The following POLR1A variants were observed in gnomAD, a reference collection of about 807,000 sequenced individuals.
POLR1A encodes RNA polymerase I subunit A.
POLR1A carries 84 observed loss-of-function variants against 205.3 expected under a neutral mutation model. The observed-to-expected ratio is 0.41, with a 90% confidence interval of 0.34 to 0.49. POLR1A has a LOEUF of 0.49. Ranked by LOEUF, POLR1A falls within the 20% of genes least tolerant of loss-of-function variation. The probability of loss-of-function intolerance (pLI) is 0.22; values close to 1 mark genes in which losing one functional copy is unlikely to be tolerated. For synonymous variants in POLR1A, 799 were observed against 863.7 expected, an observed-to-expected ratio of 0.93 and a Z score of 1.31; for missense variants, 1,645 against 2,204.5, an observed-to-expected ratio of 0.75 and a Z score of 5.08.
At chr2:86,053,091 G>A in intron 15 of POLR1A, 91 bp from the exon 16 acceptor site, 1 of 945,320 alleles carries the variant, frequency 1.1e-6, no homozygotes, top group Non-Finnish European at 1.5e-6. Context: ...CCCTCGTTGT[G>A]CAAGTCCCTC....
In POLR1A at chr2:86,052,937, C is replaced by T. The variant is rs757186802; in HGVS notation, c.2272G>A (p.Ala758Thr). 13 of 1,608,998 alleles carry T rather than the reference C, an allele frequency of 8.1e-6. No homozygotes were observed. Among genetic ancestry groups the T allele is most frequent in the Admixed American group, 5.0e-5 (3 of 59,528 alleles). The change falls in exon 16 of 34, where the codon GCC becomes ACC. Residue 758 changes from alanine (A) to threonine (T), a missense_variant. Ala to Thr is a moderately conservative substitution (Grantham distance 58). Transcript: ENST00000263857. Reference protein sequence around the residue: ...VLDKAHYGSSAYGLVHCCYEI... With the variant: ...VLDKAHYGSSTYGLVHCCYEI... ...TAGCAGCAGTGGACCAGGCCGTAGG[C>T]GGAGCTCCCATAGTGCGCCTTGTCC... is the stretch of plus-strand genomic sequence containing the variant.
At chr2:86,068,231 T>C (rs1267014414) in intron 13 of POLR1A, among the ~76,000 whole-genome samples, 2 of 152,088 alleles carry the variant, frequency 1.3e-5, no homozygotes, top group Non-Finnish European at 2.9e-5. Flanking sequence ...CATCTGCTGC[T>C]CCCCGGTAGT....
At chr2:86,044,396 A>AC (rs1672675163) in intron 21 of POLR1A, 92 bp from the exon 22 acceptor site, 3 of 1,378,592 alleles carry the variant, frequency 2.2e-6, no homozygotes, top group Non-Finnish European at 3.1e-6. Flanking sequence ...GGGGAGGGAA[A>AC]GGGGGGCTCC....
chr2:86,056,164 A>G (rs1391903666), intron 14 of POLR1A, among the ~76,000 whole-genome samples: 1 of 152,100 alleles, frequency 6.6e-6, no homozygotes, highest in African/African-American at 2.4e-5. Flanking sequence ...ATTAAGAAAA[A>G]GTTCCGGCCA....
intron 20 of POLR1A, 115 bp downstream of exon 20, chr2:86,045,502 A>G (rs1672694079): frequency 7.6e-7 from 1 of 1,316,702 alleles, no homozygotes; most frequent in Admixed American, 1.8e-5. Context: ...TTTGACCTCG[A>G]CAGCTACAAT....
intron 1 of POLR1A, among the ~76,000 whole-genome samples, chr2:86,104,646 C>T (rs1012806340): frequency 6.6e-6 from 1 of 152,266 alleles, no homozygotes; most frequent in East Asian, 1.9e-4. Context: ...CGGGGTTTCA[C>T]CATGTTGGCC....
At chr2:86,047,940 G>A (rs1672737265) in intron 18 of POLR1A, among the ~76,000 whole-genome samples, 1 of 152,172 alleles carries the variant, frequency 6.6e-6, no homozygotes, top group Non-Finnish European at 1.5e-5. Context: ...ATTCTGAGAT[G>A]CATCTGAAGA....
At position 86,070,768 on chromosome 2, in the gene POLR1A, C is replaced by T. The variant is rs551176047; in HGVS notation, c.1612-496G>A. On this transcript the variant is annotated intron_variant, in intron 12 of 33. Transcript: ENST00000263857. This position sits in a 1 kb window ranked among gnomAD's most constrained non-coding sequence, Gnocchi z 4.4. The stretch of plus-strand genomic sequence containing the variant: ...TTCTACATTTCACAAAAAGTTTGCC[C>T]AGCTTCATATAGCAGAGCCAGAAAA... Among the ~76,000 whole-genome samples, 2 of 149,312 alleles carry T rather than the reference C, an allele frequency of 1.3e-5. No homozygotes were observed. Among genetic ancestry groups the T allele is most frequent in the South Asian group, 4.3e-4 (2 of 4,600 alleles).
intron 6 of POLR1A, among the ~76,000 whole-genome samples, chr2:86,086,346 G>A (rs1444844857): frequency 1.3e-5 from 2 of 152,016 alleles, no homozygotes; most frequent in Non-Finnish European, 1.5e-5. Context: ...TCGGCCTCCC[G>A]AAGTGCTCGG....
chr2:86,069,069 T>C (rs893598372), intron 13 of POLR1A, among the ~76,000 whole-genome samples: 3 of 152,176 alleles, frequency 2.0e-5, no homozygotes, highest in Admixed American at 6.5e-5. Flanking sequence ...AAGTGTAAAA[T>C]GTGGACATGA....
At chr2:86,035,252 G>A in intron 27 of POLR1A, among the ~76,000 whole-genome samples, 1 of 152,222 alleles carries the variant, frequency 6.6e-6, no homozygotes, top group East Asian at 1.9e-4. Context: ...CATTAATCCA[G>A]AGAAGAGCTT....
intron 27 of POLR1A, 123 bp downstream of exon 27, chr2:86,038,577 T>G: frequency 1.1e-6 from 1 of 908,620 alleles, no homozygotes; most frequent in East Asian, 2.5e-5. Context: ...AACACTTCCC[T>G]TGAAGGGCTC....
chr2:86,065,877 C>T (rs551541643), intron 13 of POLR1A, among the ~76,000 whole-genome samples: 92 of 152,360 alleles, frequency 6.0e-4, no homozygotes, highest in African/African-American at 2.2e-3. Flanking sequence ...TCTGGCCTGG[C>T]TCTTCTGTAA....
chr2:86,038,855 C>T lies in POLR1A; in HGVS notation c.3879G>A (p.Val1293=). ...KQLTRVCLGE[V]LQKIDVQESF... is the part of the protein sequence containing the mutation. Reference sequence around the variant, plus strand: ...ACTCCTGGACGTCAATTTTCTGCAACACCTGGAACCAGACGGACAGAGAGA... The same window carrying T: ...ACTCCTGGACGTCAATTTTCTGCAATACCTGGAACCAGACGGACAGAGAGA... The change falls in exon 27 of 34, where the codon GTG becomes GTA. Residue 1293 remains valine (V), a splice_region_variant and synonymous_variant. Transcript: ENST00000263857. 6.2e-7 allele frequency: 1 copy of T among 1,613,974 alleles called. No individual in the cohort carries two copies. The highest frequency in any genetic ancestry group is 8.5e-7 in the Non-Finnish European group (1 of 1,179,876).
At chr2:86,030,945 A>G (rs1295253397) in intron 30 of POLR1A, among the ~76,000 whole-genome samples, 1 of 152,234 alleles carries the variant, frequency 6.6e-6, no homozygotes, top group African/African-American at 2.4e-5. Flanking sequence ...CGTGTGGTCC[A>G]TGGTAACATA....
At chr2:86,075,321 C>T (rs1673261910) in intron 11 of POLR1A, 61 bp from the exon 12 acceptor site, 1 of 1,181,176 alleles carries the variant, frequency 8.5e-7, no homozygotes, top group African/African-American at 1.5e-5. Flanking sequence ...CTGATGGACC[C>T]CAAATCTGTC....
Position 86,028,818 on chromosome 2 carries a change from G to T in POLR1A, c.4780-107C>A. 1 of 771,014 alleles carries T rather than the reference G, an allele frequency of 1.3e-6. No homozygotes were observed. The highest frequency in any genetic ancestry group is 2.2e-6 in the Non-Finnish European group (1 of 449,372). The allele number at this position is 771,014 out of a possible 1,614,324, so 47.8% of individuals were successfully genotyped here. A position where few individuals can be genotyped will look rare whatever the true frequency, so the allele number is the denominator to read the frequency against. ...TCTCTCTCCTTGTGTCTGGCAGCTC[G>T]GTACAGCTGATGACAAAGTGGTCAA... On this transcript the variant is annotated intron_variant, in intron 31 of 33. Coordinates refer to ENST00000263857, the MANE Select transcript of POLR1A (RefSeq NM_015425.6). This position sits in a 1 kb window ranked among gnomAD's most constrained non-coding sequence, Gnocchi z 4.5.
At chr2:86,053,129 G>A (rs1672835791) in intron 15 of POLR1A, 129 bp from the exon 16 acceptor site, 1 of 474,122 alleles carries the variant, frequency 2.1e-6, no homozygotes, top group African/African-American at 2.0e-5. Flanking sequence ...AATCCTTCAT[G>A]GAAAAAAGTA....
chr2:86,045,546 C>T, intron 20 of POLR1A, 71 bp downstream of exon 20: 1 of 1,508,364 alleles, frequency 6.6e-7, no homozygotes, highest in Admixed American at 1.7e-5. Flanking sequence ...CCCTGTAGGG[C>T]AGTCATAGTT....
Sources: gnomAD v4.1 joint callset for allele counts (sites outside exome capture counted in the v4.1 genomes callset) on GRCh38, gnomAD v4.1.1 for gene constraint, Gnocchi (gnomAD v3.1) non-coding constraint, MANE v1.5 for transcripts, NCBI Gene and HGNC (gene_info 2026-07-23, HGNC 2026-07-21) for gene names.